The following DIP2A variants were observed in gnomAD, a reference collection of about 807,000 sequenced individuals.
The protein encoded by DIP2A is DIP2 acetate--CoA ligase A, also known as disco-interacting protein 2 homolog A.
In DIP2A, 85 loss-of-function variants were observed where a neutral mutation model predicts 177.4. The ratio of observed to expected loss-of-function variants is 0.48; its 90% CI spans 0.40 to 0.57. The LOEUF (loss-of-function observed/expected upper bound fraction) is 0.57, where lower values mean the gene tolerates loss of function less well. Among genes scored for constraint, DIP2A ranks in the 20% least tolerant of loss-of-function variants. The pLI is 0.00. For missense variants in DIP2A, 1,791 were observed against 2,100.2 expected (o/e 0.85, Z 2.88); for synonymous variants, 886 against 881.8 (o/e 1.00, Z -0.08).
the DIP2A span, among the ~76,000 whole-genome samples, chr21:46,582,594 A>G: frequency 6.6e-6 from 1 of 152,146 alleles, no homozygotes; most frequent in Non-Finnish European, 1.5e-5. Flanking sequence ...TGAGTGGTCC[A>G]TCGCTCCACC....
chr21:46,578,954 G>A, the DIP2A span, among the ~76,000 whole-genome samples: 2 of 152,120 alleles, frequency 1.3e-5, no homozygotes, highest in African/African-American at 4.8e-5. Flanking sequence ...TTTGGTATCG[G>A]GATGATGCTC....
intron 20 of DIP2A, among the ~76,000 whole-genome samples, chr21:46,546,625 C>A (rs1263221144): frequency 3.9e-5 from 6 of 152,190 alleles, no homozygotes; most frequent in Admixed American, 3.9e-4. Context: ...CATGCTGACG[C>A]TGCCCCAGCA....
At position 46,537,370 on chromosome 21, in the gene DIP2A, G is replaced by C. The variant is rs1326683410; in HGVS notation, c.1708-76G>C. The C allele has an allele frequency of 1.2e-5, 19 of 1,609,538 alleles. No individual in the cohort carries two copies. Among genetic ancestry groups the C allele is most frequent in the Admixed American group, 1.7e-5 (1 of 59,980 alleles). On this transcript the variant is annotated intron_variant, in intron 14 of 37. Coordinates refer to ENST00000417564, the MANE Select transcript of DIP2A (RefSeq NM_015151.4). This position sits in a 1 kb window ranked among gnomAD's most constrained non-coding sequence, Gnocchi z 4.1. Reference sequence around the variant, plus strand: ...GCCTCTGCCTGAAATGTTGTTGGGAGAGTACATCGGTTTTGTTTTGCTTTT... The same window carrying C: ...GCCTCTGCCTGAAATGTTGTTGGGACAGTACATCGGTTTTGTTTTGCTTTT...
intron 10 of DIP2A, 125 bp from the exon 11 acceptor site, chr21:46,533,399 A>G: frequency 8.5e-7 from 1 of 1,175,682 alleles, no homozygotes. Context: ...GGACTGAATT[A>G]TTCTGGAAGT....
intron 18 of DIP2A, 93 bp downstream of exon 18, chr21:46,541,988 C>A: frequency 6.6e-7 from 1 of 1,518,438 alleles, no homozygotes; most frequent in Non-Finnish European, 9.0e-7. Flanking sequence ...CTTGCTTTGT[C>A]ACCAGGCTGG....
downstream of DIP2A, among the ~76,000 whole-genome samples, chr21:46,572,990 TAG>T (rs2035850621): frequency 6.6e-6 from 1 of 152,166 alleles, no homozygotes; most frequent in Non-Finnish European, 1.5e-5. Context: ...TGTTGTAGGC[TAG>T]GTTTGTGTAG....
chr21:46,477,052 G>A (rs562527069), intron 1 of DIP2A, among the ~76,000 whole-genome samples: 23 of 152,204 alleles, frequency 1.5e-4, no homozygotes, highest in Middle Eastern at 6.8e-3. Context: ...CTGTCTTCAA[G>A]TTTTACACTG....
chr21:46,484,096 G>A (rs1452968474), intron 1 of DIP2A, among the ~76,000 whole-genome samples: 1 of 152,160 alleles, frequency 6.6e-6, no homozygotes, highest in Non-Finnish European at 1.5e-5. Flanking sequence ...CTTGGCCTGG[G>A]ACGGCTTGTG....
chr21:46,470,485 A>AAG (rs2055260158), intron 1 of DIP2A, among the ~76,000 whole-genome samples: 1 of 149,428 alleles, frequency 6.7e-6, no homozygotes, highest in East Asian at 2.0e-4. Flanking sequence ...AAAAAAAAAA[A>AAG]GGGGGGGCCA....
At chr21:46,487,121 T>C (rs1023467791) in intron 2 of DIP2A, among the ~76,000 whole-genome samples, 1 of 152,252 alleles carries the variant, frequency 6.6e-6, no homozygotes, top group African/African-American at 2.4e-5. Flanking sequence ...CAGGGACCCC[T>C]AAGGCACTGA....
intron 27 of DIP2A, 30 bp downstream of exon 27, chr21:46,554,726 CTG>C (rs777809081): frequency 6.4e-6 from 10 of 1,553,378 alleles, no homozygotes; most frequent in Non-Finnish European, 8.7e-6. Flanking sequence ...GGGTCAGAGT[CTG>C]TGAGTGGGAG....
intron 18 of DIP2A, among the ~76,000 whole-genome samples, chr21:46,544,421 G>A (rs1443642042): frequency 1.3e-5 from 2 of 152,184 alleles, no homozygotes; most frequent in African/African-American, 4.8e-5. Context: ...GTCTTGAGTG[G>A]CTGCAAGACA....
At chr21:46,472,882 T>G (rs962472433) in intron 1 of DIP2A, among the ~76,000 whole-genome samples, 2 of 152,232 alleles carry the variant, frequency 1.3e-5, no homozygotes, top group African/African-American at 4.8e-5. Context: ...TGGCACTGTT[T>G]AGAACTTTCT....
At chr21:46,554,786 G>GGGGGGGGGGGCCCCC in intron 27 of DIP2A, 36 bp from the exon 28 acceptor site, 3 of 1,519,032 alleles carry the variant, frequency 2.0e-6, no homozygotes, top group Non-Finnish European at 2.7e-6. Context: ...AGCTTGAGAG[G>GGGGGGGGGGGCCCCC]CCCCGCCCAC....
At position 46,560,709 on chromosome 21, in the gene DIP2A, G is replaced by A; in HGVS notation, c.3970-13G>A. Reference sequence around the variant, plus strand: ...GCCCCTGAACAGAAGTTCCTCTGCTGCTCTCCTTCCAGGGCACAGCTGGCC... The same window carrying A: ...GCCCCTGAACAGAAGTTCCTCTGCTACTCTCCTTCCAGGGCACAGCTGGCC... On this transcript the variant is annotated splice_polypyrimidine_tract_variant and intron_variant, in intron 32 of 37. Coordinates refer to ENST00000417564, the MANE Select transcript of DIP2A (RefSeq NM_015151.4). 1 of 1,603,972 alleles carries A rather than the reference G, an allele frequency of 6.2e-7. No individual in the cohort carries two copies. The highest frequency in any genetic ancestry group is 8.5e-7 in the Non-Finnish European group (1 of 1,175,608).
intron 3 of DIP2A, among the ~76,000 whole-genome samples, chr21:46,495,621 T>A (rs2057315085): frequency 6.6e-6 from 1 of 151,982 alleles, no homozygotes; most frequent in African/African-American, 2.4e-5. Context: ...CTTTTTCTCT[T>A]TTTCTTTCTT....
chr21:46,525,319 T>C (rs910405093), intron 8 of DIP2A, among the ~76,000 whole-genome samples: 8 of 152,210 alleles, frequency 5.3e-5, no homozygotes, highest in Admixed American at 2.0e-4. Flanking sequence ...GAATGTGTTT[T>C]TGTGAATGGT....
chr21:46,549,643 G>A, intron 21 of DIP2A, 128 bp from the exon 22 acceptor site: 1 of 1,492,256 alleles, frequency 6.7e-7, no homozygotes, highest in Non-Finnish European at 9.0e-7. Flanking sequence ...TGTGCAGCAG[G>A]TAGCCCCATT....
chr21:46,504,261 C>A, intron 5 of DIP2A, 100 bp from the exon 6 acceptor site: 1 of 1,477,208 alleles, frequency 6.8e-7, no homozygotes, highest in Non-Finnish European at 9.3e-7. Flanking sequence ...CCACTTAGAA[C>A]TCAGCTAGTG....
Sources: allele counts gnomAD v4.1 joint callset (sites outside exome capture counted in the v4.1 genomes callset), GRCh38; gene constraint gnomAD v4.1.1; non-coding constraint Gnocchi (gnomAD v3.1); transcripts MANE v1.5; gene names NCBI Gene and HGNC (gene_info 2026-07-23, HGNC 2026-07-21).